The following LHPP variants were observed in gnomAD, a reference collection of about 807,000 sequenced individuals.
LHPP encodes hLHPP.
In LHPP, 24 loss-of-function variants were observed where a neutral mutation model predicts 30.3. The ratio of observed to expected loss-of-function variants is 0.79; its 90% CI spans 0.57 to 1.11. The LOEUF (loss-of-function observed/expected upper bound fraction) is 1.11, where lower values mean the gene tolerates loss of function less well. Ranked by LOEUF, LHPP falls within the 50% of genes most tolerant of loss-of-function variation. The pLI is 0.00. For synonymous variants in LHPP, 150 were observed against 157.1 expected, an observed-to-expected ratio of 0.95 and a Z score of 0.34; for missense variants, 356 against 367.2, an observed-to-expected ratio of 0.97 and a Z score of 0.25.
intron 6 of LHPP, among the ~76,000 whole-genome samples, chr10:124,555,067 G>A (rs1004205360): frequency 6.6e-6 from 1 of 152,186 alleles, no homozygotes; most frequent in Non-Finnish European, 1.5e-5. Context: ...GTTTGAGTAC[G>A]TCCAGCGAGA....
At chr10:124,607,431 G>C (rs920587105) in intron 6 of LHPP, among the ~76,000 whole-genome samples, 2 of 152,258 alleles carry the variant, frequency 1.3e-5, no homozygotes, top group African/African-American at 2.4e-5. Flanking sequence ...GGCAAACACC[G>C]GCCGGGTGCT....
At chr10:124,588,298 C>CTTTTTTTTTTTTTTTTTTTTT (rs55633265) in intron 6 of LHPP, among the ~76,000 whole-genome samples, 1 of 146,918 alleles carries the variant, frequency 6.8e-6, no homozygotes, top group African/African-American at 2.6e-5. Context: ...TTTTTCTCTT[C>CTTTTTTTTTTTTTTTTTTTTT]TTTTTTTTTT....
intron 6 of LHPP, among the ~76,000 whole-genome samples, chr10:124,527,279 C>A (rs34647330): frequency 6.6e-6 from 1 of 152,216 alleles, no homozygotes; most frequent in African/African-American, 2.4e-5. Flanking sequence ...CCTTTGATTG[C>A]TACATCTTTT....
At chr10:124,497,072 C>T (rs758386450) in intron 4 of LHPP, 48 bp downstream of exon 4, 33 of 1,501,512 alleles carry the variant, frequency 2.2e-5, no homozygotes, top group Non-Finnish European at 2.4e-5. Context: ...CTCAGGGCAC[C>T]TGGGACTTTT....
intron 6 of LHPP, among the ~76,000 whole-genome samples, chr10:124,551,221 G>A (rs11599584): frequency 0.14 from 21,069 of 152,072 alleles, 1,903 homozygotes; most frequent in Non-Finnish European, 0.2. Flanking sequence ...GGGCAGCTGG[G>A]CTGATGAGCA....
chr10:124,613,069 T>C, intron 6 of LHPP, 195 bp from the exon 7 acceptor site: 1 of 605,878 alleles, frequency 1.7e-6, no homozygotes, highest in Non-Finnish European at 3.0e-6. Context: ...GAGGGCACAG[T>C]CAGGAGGGGC....
At chr10:124,497,274 T>G (rs1589795088) in intron 4 of LHPP, among the ~76,000 whole-genome samples, 1 of 92,078 alleles carries the variant, frequency 1.1e-5, no homozygotes. Context: ...ATCCTCCCCA[T>G]CCTCCCCATC....
intron 6 of LHPP, among the ~76,000 whole-genome samples, chr10:124,522,299 G>C (rs1014828484): frequency 1.3e-5 from 2 of 152,186 alleles, no homozygotes; most frequent in African/African-American, 4.8e-5. Flanking sequence ...CTGTTCCCAG[G>C]ACTCCTGGCG....
intron 2 of LHPP, among the ~76,000 whole-genome samples, chr10:124,487,774 A>G (rs1406258251): frequency 6.6e-6 from 1 of 152,174 alleles, no homozygotes; most frequent in South Asian, 2.1e-4. Flanking sequence ...AAAGGTCAAC[A>G]TCTAGTCCTA....
At chr10:124,540,668 GT>G (rs1393407080) in intron 6 of LHPP, among the ~76,000 whole-genome samples, 2 of 152,228 alleles carry the variant, frequency 1.3e-5, no homozygotes, top group African/African-American at 4.8e-5. Context: ...GGGGTTCACG[GT>G]GCTCCATGGT....
chr10:124,562,305 TCAAACAAACAAA>T (rs3083576), intron 6 of LHPP, among the ~76,000 whole-genome samples: 1 of 150,058 alleles, frequency 6.7e-6, no homozygotes, highest in South Asian at 2.1e-4. Context: ...AGACCCTGTC[TCAAACAAACAAA>T]CAAACAAACA....
Position 124,576,513 on chromosome 10 carries a change from C to T in LHPP, c.717-36751C>T, listed in dbSNP as rs997867304. 2.0e-5 allele frequency among the ~76,000 whole-genome samples: 3 copies of T among 151,516 alleles called. No homozygotes were observed. Among genetic ancestry groups the T allele is most frequent in the African/African-American group, 7.3e-5 (3 of 41,226 alleles). On this transcript the variant is annotated intron_variant, in intron 6 of 6. Coordinates refer to ENST00000368842, the MANE Select transcript of LHPP (RefSeq NM_022126.4). The surrounding 1 kb of genome is among the most constrained non-coding windows in gnomAD (Gnocchi z 4.2). Reference sequence around the variant, plus strand: ...CTCCCTACCATATGCTGTTCCCAGACCCCCCTCCATGGCCTGCCCCCAGAT... The same window carrying T: ...CTCCCTACCATATGCTGTTCCCAGATCCCCCTCCATGGCCTGCCCCCAGAT...
intron 6 of LHPP, among the ~76,000 whole-genome samples, chr10:124,579,745 C>G (rs1948720660): frequency 6.6e-6 from 1 of 152,164 alleles, no homozygotes; most frequent in Admixed American, 6.6e-5. Context: ...TTAACAGATA[C>G]TTAAGTGATT....
intron 6 of LHPP, among the ~76,000 whole-genome samples, chr10:124,518,134 C>T (rs1032473975): frequency 2.0e-5 from 3 of 152,222 alleles, no homozygotes; most frequent in Non-Finnish European, 4.4e-5. Context: ...GGAGCTGTGG[C>T]TGAGTGCGAG....
intron 1 of LHPP, among the ~76,000 whole-genome samples, chr10:124,470,970 T>A (rs187803533): frequency 1.3e-5 from 2 of 152,216 alleles, no homozygotes; most frequent in Admixed American, 6.5e-5. Flanking sequence ...TCACCCTGGG[T>A]TCTGTGATTT....
chr10:124,577,143 G>A (rs1345961709), intron 6 of LHPP, among the ~76,000 whole-genome samples: 1 of 152,186 alleles, frequency 6.6e-6, no homozygotes, highest in Non-Finnish European at 1.5e-5. Context: ...GCCTGCTCAG[G>A]TGGGTCCGTG....
intron 6 of LHPP, among the ~76,000 whole-genome samples, chr10:124,537,814 C>A (rs934486402): frequency 1.3e-5 from 2 of 152,236 alleles, no homozygotes; most frequent in African/African-American, 4.8e-5. Context: ...ATTTAGGCTG[C>A]ATGGACACAA....
At chr10:124,557,492 C>T (rs1335319272) in intron 6 of LHPP, among the ~76,000 whole-genome samples, 1 of 152,198 alleles carries the variant, frequency 6.6e-6, no homozygotes, top group Admixed American at 6.5e-5. Context: ...GTGGGAGTCA[C>T]CGTATAGCTT....
chr10:124,479,048 G>A (rs1215548072), intron 1 of LHPP, among the ~76,000 whole-genome samples: 1 of 138,222 alleles, frequency 7.2e-6, no homozygotes, highest in African/African-American at 2.7e-5. Context: ...CAGCCTGGCT[G>A]ACAGAGTGAG....
Sources: allele counts gnomAD v4.1 joint callset (sites outside exome capture counted in the v4.1 genomes callset), GRCh38; gene constraint gnomAD v4.1.1; non-coding constraint Gnocchi (gnomAD v3.1); transcripts MANE v1.5; gene names NCBI Gene and HGNC (gene_info 2026-07-23, HGNC 2026-07-21).